Variants in HYDIN observed in about 807,000 individuals in gnomAD.
The protein encoded by HYDIN is HYDIN axonemal central pair apparatus protein.
Under a neutral mutation model 403.9 loss-of-function variants are expected in HYDIN, and 132 were observed. That is an observed-to-expected ratio of 0.33 (90% confidence interval 0.28 to 0.38). HYDIN has a LOEUF of 0.38. HYDIN is among the 10% of genes least tolerant of loss of function. The pLI is 1.00. For synonymous variants in HYDIN, 1,202 were observed against 1,891.7 expected (o/e 0.64, Z 9.46); for missense variants, 2,827 against 5,009.5 (o/e 0.56, Z 13.15).
At chr16:70,976,565 C>A (rs1372516556) in intron 30 of HYDIN, among the ~76,000 whole-genome samples, 1 of 150,596 alleles carries the variant, frequency 6.6e-6, no homozygotes, top group African/African-American at 2.4e-5. Flanking sequence ...TGAATAAGCT[C>A]TGTGGCTTGT....
chr16:71,084,465 C>T (rs2082875126), intron 12 of HYDIN, among the ~76,000 whole-genome samples: 1 of 150,918 alleles, frequency 6.6e-6, no homozygotes, highest in Non-Finnish European at 1.5e-5. Flanking sequence ...CCGCTCACTG[C>T]AATCTCCGCC....
At chr16:70,846,468 G>C (rs895921020) in intron 75 of HYDIN, among the ~76,000 whole-genome samples, 2 of 149,000 alleles carry the variant, frequency 1.3e-5, no homozygotes, top group African/African-American at 4.9e-5. Context: ...CCAAGTATGT[G>C]GTCAATTTTG....
chr16:71,163,784 A>T (rs1252391670), intron 5 of HYDIN, among the ~76,000 whole-genome samples: 3 of 152,120 alleles, frequency 2.0e-5, no homozygotes, highest in Non-Finnish European at 4.4e-5. Context: ...CACCAGAAAA[A>T]CCACCCAGCT....
rs569862641 is a variant in HYDIN at position 71,011,511 on chromosome 16, A to T, written c.3644+6618T>A. On this transcript the variant is annotated intron_variant, in intron 23 of 85. Transcript: ENST00000393567. ...CACTTGAGCCTAGGAGATTGAGACT[A>T]GCCTGGGAAACATAGAAAGACCCTG... Among the ~76,000 whole-genome samples the T allele has an allele frequency of 4.0e-4, 60 of 150,110 alleles. No homozygotes were observed. In the East Asian group the frequency reaches 0.011, roughly 28 times the overall value.
chr16:70,818,863 T>A (rs2036030199), intron 83 of HYDIN, among the ~76,000 whole-genome samples: 1 of 152,086 alleles, frequency 6.6e-6, no homozygotes, highest in African/African-American at 2.4e-5. Context: ...TGGGGACAGC[T>A]GGCCGGCTCT....
chr16:70,961,737 G>C (rs1212640455), intron 38 of HYDIN, among the ~76,000 whole-genome samples: 2 of 151,942 alleles, frequency 1.3e-5, no homozygotes, highest in African/African-American at 4.8e-5. Flanking sequence ...AAATTACTGT[G>C]CCAAGAATGT....
chr16:70,847,138 C>T (rs1171829950), intron 75 of HYDIN, among the ~76,000 whole-genome samples: 3 of 151,528 alleles, frequency 2.0e-5, no homozygotes, highest in Admixed American at 6.6e-5. Flanking sequence ...TTCCTAGTCT[C>T]GATGGTCTTT....
At chr16:70,888,391 C>T (rs112219258) in intron 58 of HYDIN, among the ~76,000 whole-genome samples, 1 of 152,218 alleles carries the variant, frequency 6.6e-6, no homozygotes, top group African/African-American at 2.4e-5. Flanking sequence ...AGTATACTGC[C>T]TTGCTACTGC....
chr16:70,950,548 G>A (rs1199546146), intron 41 of HYDIN, among the ~76,000 whole-genome samples: 1 of 151,272 alleles, frequency 6.6e-6, no homozygotes, highest in African/African-American at 2.4e-5. Flanking sequence ...GTAAGCCACT[G>A]CACCCGGCCT....
intron 15 of HYDIN, chr16:71,066,383 G>T (rs1264081629): frequency 6.5e-6 from 1 of 154,920 alleles, no homozygotes; most frequent in Non-Finnish European, 1.4e-5. Context: ...ACGTGAAATA[G>T]TGTCAGTTAC....
At chr16:71,053,479 T>C (rs1312300728) in intron 18 of HYDIN, among the ~76,000 whole-genome samples, 1 of 152,042 alleles carries the variant, frequency 6.6e-6, no homozygotes. Context: ...CCACAGCAAT[T>C]AAAATGAAAT....
At chr16:70,819,911 C>T (rs771269718) in intron 83 of HYDIN, among the ~76,000 whole-genome samples, 145 of 151,196 alleles carry the variant, frequency 9.6e-4, no homozygotes, top group Middle Eastern at 3.4e-3. Context: ...GGGTTCACGC[C>T]ATTCTCCTGC....
At chr16:70,917,409 A>G (rs1272230905) in intron 47 of HYDIN, among the ~76,000 whole-genome samples, 1 of 152,182 alleles carries the variant, frequency 6.6e-6, no homozygotes, top group African/African-American at 2.4e-5. Flanking sequence ...ACATGTAAGC[A>G]GGACTTATAG....
intron 37 of HYDIN, 86 bp downstream of exon 37, chr16:70,964,642 A>G: frequency 1.2e-6 from 1 of 832,212 alleles, no homozygotes; most frequent in Non-Finnish European, 2.0e-6. Context: ...GCAGGTACTC[A>G]GAAACAGGTT....
Position 70,879,230 on chromosome 16 carries a change from C to T in HYDIN, c.10557+67G>A, listed in dbSNP as rs1274797316. On this transcript the variant is annotated intron_variant, in intron 62 of 85. Coordinates refer to ENST00000393567, the MANE Select transcript of HYDIN (RefSeq NM_001270974.2). ...CATACATTAGGCATGGCAGAGGCCC[C>T]AGTGGCAGAAGTGTAACTTCTGGAT... is the stretch of plus-strand genomic sequence containing the variant. 11 of 1,298,112 alleles carry T rather than the reference C, an allele frequency of 8.5e-6. No individual in the cohort carries two copies. In the Admixed American group the frequency reaches 1.8e-4, roughly 21 times the overall value. The allele number at this position is 1,298,112 out of a possible 1,614,324, so 80.4% of individuals were successfully genotyped here. A position where few individuals can be genotyped will look rare whatever the true frequency, so the allele number is the denominator to read the frequency against.
chr16:71,188,064 T>C (rs1344845257), intron 1 of HYDIN, among the ~76,000 whole-genome samples: 1 of 152,228 alleles, frequency 6.6e-6, no homozygotes, highest in Non-Finnish European at 1.5e-5. Flanking sequence ...ACTATTATTA[T>C]AGCCCCACCC....
rs973676272 is a variant in HYDIN, at chr16:70,837,406, C to T, written c.13242+284G>A. 1.2e-3 allele frequency among the ~76,000 whole-genome samples: 183 copies of T among 152,114 alleles called. 1 individual carries two copies. The highest frequency in any genetic ancestry group is 4.2e-3 in the African/African-American group (175 of 41,392). On this transcript the variant is annotated intron_variant, in intron 77 of 85. Coordinates refer to ENST00000393567, the MANE Select transcript of HYDIN (RefSeq NM_001270974.2). ...CTGAGTCTGAAAGTCTCAAATTTCT[C>T]CAAGAAAAAGAATATTTCTCTAGTG...
chr16:71,209,567 A>G (rs1365810193), intron 1 of HYDIN, among the ~76,000 whole-genome samples: 1 of 152,132 alleles, frequency 6.6e-6, no homozygotes, highest in Non-Finnish European at 1.5e-5. Flanking sequence ...AATAAAAGGC[A>G]TCAAAATAGG....
intron 1 of HYDIN, among the ~76,000 whole-genome samples, chr16:71,224,502 A>C (rs1302256842): frequency 6.6e-6 from 1 of 151,462 alleles, no homozygotes; most frequent in Non-Finnish European, 1.5e-5. Flanking sequence ...GAAATGATTG[A>C]TGAATCATTC....
Sources: gnomAD v4.1 joint callset for allele counts (sites outside exome capture counted in the v4.1 genomes callset) on GRCh38, gnomAD v4.1.1 for gene constraint, MANE v1.5 for transcripts, NCBI Gene and HGNC (gene_info 2026-07-23, HGNC 2026-07-21) for gene names.